Variants in DIPK2B observed in about 807,000 individuals in gnomAD.
DIPK2B encodes the protein UPF0672 protein CXorf36.
In DIPK2B, 15 loss-of-function variants were observed where a neutral mutation model predicts 22.2. The observed-to-expected ratio is 0.68, with a 90% CI of 0.45 to 1.04. The LOEUF is 1.04. DIPK2B is among the 50% of genes least tolerant of loss of function. The pLI, the probability that DIPK2B is intolerant of heterozygous loss-of-function variation, is 0.00. For synonymous variants in DIPK2B, 163 were observed against 153.2 expected, an observed-to-expected ratio of 1.06 and a Z score of -0.47; for missense variants, 345 against 348.3, an observed-to-expected ratio of 0.99 and a Z score of 0.08.
chrX:45,162,428 T>C (rs2047026763), intron 2 of DIPK2B: 1 of 754,285 alleles, frequency 1.3e-6, no homozygotes, highest in African/African-American at 2.3e-5. Flanking sequence ...AGAGACCATT[T>C]TTACTAACCC....
At chrX:45,185,049 C>T (rs184352586) in intron 2 of DIPK2B, among the ~76,000 whole-genome samples, 36 of 112,090 alleles carry the variant, frequency 3.2e-4, no homozygotes, top group Admixed American at 1.2e-3. Flanking sequence ...ATACACAGAA[C>T]ACAATCACGG....
intron 1 of DIPK2B, among the ~76,000 whole-genome samples, chrX:45,197,896 C>G (rs2047248345): frequency 9.0e-6 from 1 of 111,678 alleles, no homozygotes; most frequent in East Asian, 2.8e-4. Context: ...TGACATAGAA[C>G]TGTTTATAAT....
rs2046974829 is a variant in DIPK2B at position 45,153,822 on chromosome X, A to G, written c.961+88T>C. The stretch of plus-strand genomic sequence containing the variant: ...TGACATGCAGAGATGGGAAAGGCCC[A>G]ATAGCATGACCCCTGGCCACCCCTC... On this transcript the variant is annotated intron_variant, in intron 4 of 4. Coordinates refer to ENST00000398000, the MANE Select transcript of DIPK2B (RefSeq NM_176819.4). 9.7e-6 allele frequency: 8 copies of G among 825,045 alleles called. No individual in the cohort carries two copies. In the East Asian group the frequency reaches 2.3e-4, roughly 24 times the overall value. 68.0% of individuals were successfully genotyped at this position (825,045 alleles called of 1,213,427 possible).
chrX:45,177,761 G>A (rs1302414505), intron 2 of DIPK2B, among the ~76,000 whole-genome samples: 1 of 111,365 alleles, frequency 9.0e-6, no homozygotes. Flanking sequence ...CTCACTTGGG[G>A]AAAGACAAAA....
intron 1 of DIPK2B, among the ~76,000 whole-genome samples, chrX:45,199,825 G>A (rs2047257793): frequency 9.0e-6 from 1 of 111,317 alleles, no homozygotes; most frequent in South Asian, 3.8e-4. Context: ...CTAGAGTTTG[G>A]CTGTGGTAAA....
chrX:45,151,782 T>A lies in DIPK2B; in HGVS notation c.1172A>T (p.Asp391Val). ...GACTTCTGGGTCTGGGCGGATGCTG[T>A]CCCCACACTGAACAAGGATGGAGTC... ...DIDSILVQCG[D>V]SIRPDPEVLG... The change falls in exon 5 of 5, where the codon GAC becomes GTC. Residue 391 changes from aspartate to valine, a missense_variant. Asp to Val is a radical substitution (Grantham distance 152, BLOSUM62 -3). Coordinates refer to ENST00000398000, the MANE Select transcript of DIPK2B (RefSeq NM_176819.4). 8.3e-7 allele frequency: 1 copy of A among 1,211,693 alleles called. No individual in the cohort carries two copies. The highest frequency in any genetic ancestry group is 1.1e-6 in the Non-Finnish European group (1 of 895,391).
At chrX:45,187,468 GCACACACACACACACA>G (rs34308256) in intron 2 of DIPK2B, among the ~76,000 whole-genome samples, 9 of 98,492 alleles carry the variant, frequency 9.1e-5, no homozygotes, top group African/African-American at 2.2e-4. Flanking sequence ...GCGCGCGCGC[GCACACACACACACACA>G]CACACACACA....
chrX:45,178,382 T>C (rs2047130184), intron 2 of DIPK2B, among the ~76,000 whole-genome samples: 1 of 111,667 alleles, frequency 9.0e-6, no homozygotes, highest in South Asian at 3.8e-4. Context: ...AATTCTGGGA[T>C]TTTTGGTTCT....
chrX:45,174,924 C>T lies in DIPK2B; in HGVS notation c.498+16827G>A, dbSNP rs1396204467. ...GTAAAAACATTTATACCCCTTGACC[C>T]AGTGGTTTCACTACAGGGAAGTAGA... On this transcript the variant is annotated intron_variant, in intron 2 of 4. Transcript: ENST00000398000. 3.6e-5 allele frequency among the ~76,000 whole-genome samples: 4 copies of T among 111,753 alleles called. No individual in the cohort carries two copies. The East Asian group carries it at 1.1e-3, about 31-fold the overall frequency.
At chrX:45,175,617 GTA>G (rs202207277) in intron 2 of DIPK2B, among the ~76,000 whole-genome samples, 39,728 of 98,184 alleles carry the variant, frequency 0.4, 7,456 homozygotes, top group African/African-American at 0.65. Flanking sequence ...ACATATATGT[GTA>G]TATATATATA....
chrX:45,160,912 C>T (rs899324742), intron 2 of DIPK2B, among the ~76,000 whole-genome samples: 37 of 111,927 alleles, frequency 3.3e-4, no homozygotes, highest in Admixed American at 2.0e-3. Context: ...GTTATTAGCC[C>T]CTGCATTTTA....
rs1286562087 is a variant in DIPK2B, at chrX:45,149,025, G to A, written c.*2627C>T. ...CAGAATTTCAGGCGACTGGTCTGGA[G>A]GAGAGAAGGGGGCAAGTGCTTACCT... On this transcript the variant is annotated 3_prime_UTR_variant, in exon 5 of 5. Coordinates refer to ENST00000398000, the MANE Select transcript of DIPK2B (RefSeq NM_176819.4). 1 of 112,056 alleles carries A rather than the reference G, an allele frequency of 8.9e-6. No homozygotes were observed. The highest frequency in any genetic ancestry group is 1.9e-5 in the Non-Finnish European group (1 of 53,248). The allele number at this position is 112,056 out of a possible 1,213,427, so 9.2% of individuals were successfully genotyped here. A position where few individuals can be genotyped will look rare whatever the true frequency, so the allele number is the denominator to read the frequency against.
At chrX:45,174,965 A>G (rs2047108917) in intron 2 of DIPK2B, among the ~76,000 whole-genome samples, 1 of 111,798 alleles carries the variant, frequency 8.9e-6, no homozygotes, top group South Asian at 3.7e-4. Context: ...CACAAAGCAT[A>G]GTATTTAAGG....
At chrX:45,199,324 C>T (rs2047255614) in intron 1 of DIPK2B, among the ~76,000 whole-genome samples, 3 of 111,607 alleles carry the variant, frequency 2.7e-5, no homozygotes, top group South Asian at 7.5e-4. Flanking sequence ...ATCTTAAAAG[C>T]GTAAGTTAGG....
At chrX:45,200,224 C>T (rs1033494394) in intron 1 of DIPK2B, among the ~76,000 whole-genome samples, 16 of 111,410 alleles carry the variant, frequency 1.4e-4, no homozygotes, top group African/African-American at 5.2e-4. Flanking sequence ...AATGGGGGAA[C>T]ACCATTAACT....
chrX:45,171,903 A>T (rs979126959), intron 2 of DIPK2B, among the ~76,000 whole-genome samples: 2 of 112,349 alleles, frequency 1.8e-5, no homozygotes, highest in Admixed American at 9.4e-5. Flanking sequence ...TTTAATAAGC[A>T]AATCTTGTCC....
At chrX:45,152,818 C>G (rs1399207090) in intron 4 of DIPK2B, among the ~76,000 whole-genome samples, 1 of 111,289 alleles carries the variant, frequency 9.0e-6, no homozygotes, top group Non-Finnish European at 1.9e-5. Flanking sequence ...GTAATTCCAG[C>G]TACTCAGGGG....
chrX:45,186,067 G>A (rs1246544371), intron 2 of DIPK2B, among the ~76,000 whole-genome samples: 2 of 112,138 alleles, frequency 1.8e-5, no homozygotes, highest in South Asian at 7.4e-4. Context: ...ATGGAATTTG[G>A]AAATGAGCAG....
At chrX:45,161,252 T>C (rs2047021269) in intron 2 of DIPK2B, among the ~76,000 whole-genome samples, 1 of 112,243 alleles carries the variant, frequency 8.9e-6, no homozygotes, top group African/African-American at 3.2e-5. Flanking sequence ...TTTTAAAAAG[T>C]GTATTTTGGC....
Sources: allele counts gnomAD v4.1 joint callset (sites outside exome capture counted in the v4.1 genomes callset), GRCh38; gene constraint gnomAD v4.1.1; transcripts MANE v1.5; gene names NCBI Gene and HGNC (gene_info 2026-07-23, HGNC 2026-07-21).